SYNE1: variants seen among roughly 807,000 people sequenced by gnomAD.
SYNE1 encodes spectrin repeat containing nuclear envelope protein 1, also known as nesprin-1.
SYNE1 carries 616 observed loss-of-function variants against 1,111.0 expected under a neutral mutation model. That is an observed-to-expected ratio of 0.55 (90% confidence interval 0.52 to 0.59). The LOEUF is 0.59. Among genes scored for constraint, SYNE1 ranks in the 20% least tolerant of loss-of-function variants. The pLI is 0.00. For synonymous variants in SYNE1, 3,855 were observed against 3,825.8 expected (o/e 1.01, Z -0.28); for missense variants, 10,006 against 10,417.0 (o/e 0.96, Z 1.72).
intron 78 of SYNE1, among the ~76,000 whole-genome samples, chr6:152,326,978 T>G (rs2096083464): frequency 1.3e-5 from 2 of 152,340 alleles, no homozygotes; most frequent in South Asian, 4.1e-4. Flanking sequence ...CAAAGTGCAG[T>G]AATGTCTCCG....
intron 38 of SYNE1, among the ~76,000 whole-genome samples, chr6:152,426,209 T>C (rs908750626): frequency 2.0e-5 from 3 of 152,076 alleles, no homozygotes. Context: ...AATAAAAAAA[T>C]ATTAAGTGAA....
intron 55 of SYNE1, among the ~76,000 whole-genome samples, chr6:152,383,876 C>A (rs1233863556): frequency 6.6e-6 from 1 of 152,212 alleles, no homozygotes; most frequent in East Asian, 1.9e-4. Flanking sequence ...CAGCTCATGT[C>A]TTCACCTCTA....
Position 152,176,459 on chromosome 6 carries a change from C to T in SYNE1, c.23562G>A (p.Glu7854=). The change falls in exon 130 of 146, where the codon GAG becomes GAA. Residue 7854 remains glutamate (E), a synonymous_variant. Coordinates refer to ENST00000367255, the MANE Select transcript of SYNE1 (RefSeq NM_182961.4). ...TGACCTTTCCCAGCTTGTATTCAAT[C>T]TCAGATGCTTTGCTTTCATGGCTGG... ...AKASHESKAS[E]IEYKLGKVND... The T allele has an allele frequency of 6.2e-7, 1 of 1,612,600 alleles. No homozygotes were observed. The highest frequency in any genetic ancestry group is 1.1e-5 in the South Asian group (1 of 91,040).
chr6:152,406,002 T>C (rs978985663), intron 45 of SYNE1, among the ~76,000 whole-genome samples: 1 of 151,902 alleles, frequency 6.6e-6, no homozygotes, highest in African/African-American at 2.4e-5. Context: ...ATATATATTG[T>C]AATATAAATA....
At chr6:152,178,113 G>A (rs1001114908) in intron 129 of SYNE1, among the ~76,000 whole-genome samples, 9 of 151,952 alleles carry the variant, frequency 5.9e-5, no homozygotes, top group African/African-American at 2.2e-4. Flanking sequence ...TCCTAACATT[G>A]TGCCAAACAA....
intron 3 of SYNE1, among the ~76,000 whole-genome samples, chr6:152,584,046 C>T (rs2099529239): frequency 6.6e-6 from 1 of 152,236 alleles, no homozygotes. Flanking sequence ...TGGTACCAGA[C>T]TGCCTGCTTT....
intron 9 of SYNE1, among the ~76,000 whole-genome samples, chr6:152,503,682 T>C (rs982794544): frequency 1.3e-5 from 2 of 152,188 alleles, no homozygotes; most frequent in African/African-American, 4.8e-5. Flanking sequence ...ACTTGCAATA[T>C]AGGGTTTAAA....
chr6:152,310,613 A>G, intron 88 of SYNE1, 75 bp downstream of exon 88: 1 of 1,610,114 alleles, frequency 6.2e-7, no homozygotes, highest in Non-Finnish European at 8.5e-7. Flanking sequence ...GGTGAGCACT[A>G]TTTCCATAGT....
Position 152,331,674 on chromosome 6 carries a change from T to C in SYNE1, c.13011A>G (p.Gln4337=). The change falls in exon 78 of 146, where the codon CAA becomes CAG. Residue 4337 remains glutamine, a synonymous_variant. Transcript: ENST00000367255. ...QLEDLIKRKI[Q]VSVTNLEELN... ...ACTCCTCCAAGTTGGTGACTGACAC[T>C]TGGATTTTCCTTTTAATGAGGTCCT... 3 of 1,614,208 alleles carry C rather than the reference T, an allele frequency of 1.9e-6. No individual in the cohort carries two copies. The highest frequency in any genetic ancestry group is 2.5e-6 in the Non-Finnish European group (3 of 1,180,036).
intron 34 of SYNE1, among the ~76,000 whole-genome samples, chr6:152,431,407 C>T (rs1282466970): frequency 6.6e-6 from 1 of 152,290 alleles, no homozygotes; most frequent in Admixed American, 6.5e-5. Context: ...AGCCCACATA[C>T]TGTCATTTCA....
intron 114 of SYNE1, 61 bp from the exon 115 acceptor site, chr6:152,230,763 A>T: frequency 9.2e-6 from 14 of 1,528,460 alleles, no homozygotes; most frequent in Non-Finnish European, 1.2e-5. Flanking sequence ...AATCATTAGC[A>T]GACTAATTAT....
chr6:152,274,954 A>G (rs573845715), intron 98 of SYNE1, among the ~76,000 whole-genome samples: 2 of 152,220 alleles, frequency 1.3e-5, no homozygotes, highest in East Asian at 3.9e-4. Context: ...TGGCACAATC[A>G]TAGCTCGCTG....
intron 139 of SYNE1, among the ~76,000 whole-genome samples, chr6:152,140,540 T>C (rs1170498025): frequency 1.3e-5 from 2 of 152,058 alleles, no homozygotes; most frequent in Non-Finnish European, 2.9e-5. Context: ...ATTAAAATAA[T>C]TGGAACATGA....
chr6:152,606,830 A>G (rs539969829), intron 3 of SYNE1, among the ~76,000 whole-genome samples: 47 of 145,570 alleles, frequency 3.2e-4, no homozygotes, highest in Admixed American at 1.1e-3. Flanking sequence ...TTTTTTATAT[A>G]TTTTTAGTAG....
intron 130 of SYNE1, among the ~76,000 whole-genome samples, chr6:152,172,530 C>A (rs1429627001): frequency 6.6e-6 from 1 of 152,138 alleles, no homozygotes; most frequent in Non-Finnish European, 1.5e-5. Flanking sequence ...TTGAATTTGA[C>A]CTTCCTAGAT....
Position 152,242,508 on chromosome 6 carries a change from C to A in SYNE1, c.19693-68G>T, listed in dbSNP as rs548152869. On this transcript the variant is annotated intron_variant, in intron 106 of 145. Transcript: ENST00000367255. ...TGGCAACCCTCTAAAAGCATATGAA[C>A]TATGAACGCACCAAGCCCGAGACCC... 324 of 1,571,516 alleles carry A rather than the reference C, an allele frequency of 2.1e-4. 6 individuals are homozygous for A. The South Asian group carries it at 2.6e-3, about 13-fold the overall frequency.
At position 152,148,171 on chromosome 6, in the gene SYNE1, C is replaced by T. The variant is rs1563020381; in HGVS notation, c.24850G>A (p.Glu8284Lys). ...CTGAGGTCATAGTCGTGATCCCACT[C>T]CAGGGGGATGGAGTCCACACTAGCC... The part of the protein sequence containing the change: ...TPASVDSIPL[E>K]WDHDYDLSRD... The change falls in exon 137 of 146, where the codon GAG (glutamate) becomes AAG (lysine). Residue 8284 changes from glutamate to lysine, a missense_variant. By Grantham distance (56) the Glu-to-Lys change is moderately conservative. Transcript: ENST00000367255. The surrounding 1 kb of genome is among the most constrained non-coding windows in gnomAD (Gnocchi z 4.1). The T allele has an allele frequency of 6.2e-7, 1 of 1,614,060 alleles. No individual in the cohort carries two copies. The highest frequency in any genetic ancestry group is 1.7e-5 in the Admixed American group (1 of 60,002).
intron 24 of SYNE1, 73 bp downstream of exon 24, chr6:152,455,353 C>T (rs1265732595): frequency 6.6e-7 from 1 of 1,519,806 alleles, no homozygotes; most frequent in African/African-American, 1.4e-5. Flanking sequence ...GATCAGCATG[C>T]CTTTTTTAAG....
Position 152,284,041 on chromosome 6 carries a change from A to G in SYNE1, c.18144T>C (p.Thr6048=). 1.9e-6 allele frequency: 3 copies of G among 1,614,206 alleles called. No individual in the cohort carries two copies. Among genetic ancestry groups the G allele is most frequent in the Middle Eastern group, 1.6e-4 (1 of 6,062 alleles). The change falls in exon 96 of 146, where the codon ACT becomes ACC. Residue 6048 remains threonine, a synonymous_variant. Coordinates refer to ENST00000367255, the MANE Select transcript of SYNE1 (RefSeq NM_182961.4). ...AEQLALQSTL[T]VLAERMSTIR... ...TGGTGGACATTCGCTCGGCTAAGAC[A>G]GTGAGCGTGGACTGCAAGGCCAGCT... is the stretch of plus-strand genomic sequence containing the variant.
Sources: gnomAD v4.1 joint callset for allele counts (sites outside exome capture counted in the v4.1 genomes callset) on GRCh38, gnomAD v4.1.1 for gene constraint, Gnocchi (gnomAD v3.1) non-coding constraint, MANE v1.5 for transcripts, NCBI Gene and HGNC (gene_info 2026-07-23, HGNC 2026-07-21) for gene names.